Variants in VTCN1 observed in about 807,000 individuals in gnomAD.
VTCN1 encodes the protein V-set domain containing T cell activation inhibitor 1.
A neutral mutation model predicts 26.5 loss-of-function variants in VTCN1; 26 were observed. The ratio of observed to expected loss-of-function variants is 0.98; its 90% CI spans 0.72 to 1.36. The LOEUF (loss-of-function observed/expected upper bound fraction) is 1.36, where lower values mean the gene tolerates loss of function less well. Ranked by LOEUF, VTCN1 falls within the 40% of genes most tolerant of loss-of-function variation. The probability of loss-of-function intolerance (pLI) is 0.00; values close to 1 mark genes in which losing one functional copy is unlikely to be tolerated. For missense variants in VTCN1, 298 were observed against 337.7 expected, an observed-to-expected ratio of 0.88 and a Z score of 0.92; for synonymous variants, 116 against 130.7, an observed-to-expected ratio of 0.89 and a Z score of 0.77.
chr1:117,181,146 G>T (rs2153907), intron 1 of VTCN1, among the ~76,000 whole-genome samples: 100,500 of 151,918 alleles, frequency 0.66, 34,166 homozygotes, highest in East Asian at 0.99. Context: ...GCTAGGAGTG[G>T]TGGTTCATGC....
intron 1 of VTCN1, among the ~76,000 whole-genome samples, chr1:117,192,163 T>C (rs1449912879): frequency 6.6e-6 from 1 of 152,092 alleles, no homozygotes; most frequent in African/African-American, 2.4e-5. Context: ...AACAGGCTTG[T>C]CACATATAAG....
chr1:117,167,059 C>T lies in VTCN1; in HGVS notation c.97+3048G>A, dbSNP rs1488624185. On this transcript the variant is annotated intron_variant, in intron 2 of 5. Transcript: ENST00000369458. This position sits in a 1 kb window ranked among gnomAD's most constrained non-coding sequence, Gnocchi z 4.1. ...AGTGAGCCGAGATTATGCCACTGTA[C>T]TCCAGCCTGAGCGACAGAGCAAGAC... Among the ~76,000 whole-genome samples, 1 of 148,828 alleles carries T rather than the reference C, an allele frequency of 6.7e-6. No individual in the cohort carries two copies. The highest frequency in any genetic ancestry group is 2.5e-5 in the African/African-American group (1 of 39,570).
rs746034549 is a variant in VTCN1, at chr1:117,161,273, C to T, written c.98-4352G>A. Among the ~76,000 whole-genome samples the T allele has an allele frequency of 7.9e-5, 12 of 152,198 alleles. No homozygotes were observed. Among genetic ancestry groups the T allele is most frequent in the East Asian group, 1.9e-4 (1 of 5,196 alleles). ...GCATGGGTTACACAATTACACTATG[C>T]GCCTTCACACTGCTGTTCATCTTGT... On this transcript the variant is annotated intron_variant, in intron 2 of 5. Coordinates refer to ENST00000369458, the MANE Select transcript of VTCN1 (RefSeq NM_024626.4). The surrounding 1 kb of genome is among the most constrained non-coding windows in gnomAD (Gnocchi z 4.3).
At chr1:117,209,317 C>A (rs1338091531) in intron 1 of VTCN1, among the ~76,000 whole-genome samples, 2 of 152,146 alleles carry the variant, frequency 1.3e-5, no homozygotes, top group African/African-American at 4.8e-5. Flanking sequence ...GACCTCTGAA[C>A]AATGGAGCCA....
chr1:117,154,442 C>T (rs1277065004), intron 3 of VTCN1, among the ~76,000 whole-genome samples: 1 of 152,202 alleles, frequency 6.6e-6, no homozygotes, highest in African/African-American at 2.4e-5. Flanking sequence ...AGGCCTCACC[C>T]AGTTTCCTCT....
intron 1 of VTCN1, among the ~76,000 whole-genome samples, chr1:117,194,600 C>T (rs1648416265): frequency 1.3e-5 from 2 of 152,136 alleles, no homozygotes; most frequent in African/African-American, 4.8e-5. Flanking sequence ...TTCACAAGAG[C>T]CATCATATGG....
At chr1:117,205,866 G>A (rs890376116) in intron 1 of VTCN1, among the ~76,000 whole-genome samples, 6 of 152,208 alleles carry the variant, frequency 3.9e-5, no homozygotes, top group Admixed American at 6.5e-5. Context: ...GCATTACCAC[G>A]TGCTTGGTCA....
rs746463012 is a variant in VTCN1, at chr1:117,156,626, A to G, written c.393T>C (p.Tyr131=). Residue 131 remains tyrosine, a synonymous_variant, in exon 3 of 6, where the codon TAT becomes TAC. Transcript: ENST00000369458. ...QLTDAGTYKC[Y]IITSKGKGNA... is the part of the protein sequence containing the mutation. Reference sequence around the variant, plus strand: ...TCCCCTTGCCTTTAGAAGTGATGATATAACATTTGTAGGTGCCAGCATCTG... The same window carrying G: ...TCCCCTTGCCTTTAGAAGTGATGATGTAACATTTGTAGGTGCCAGCATCTG... The G allele has an allele frequency of 4.4e-5, 71 of 1,613,374 alleles. No homozygotes were observed. Among genetic ancestry groups the G allele is most frequent in the Non-Finnish European group, 5.9e-5 (70 of 1,179,758 alleles).
chr1:117,203,126 A>C (rs1648870353), intron 1 of VTCN1, among the ~76,000 whole-genome samples: 1 of 152,070 alleles, frequency 6.6e-6, no homozygotes, highest in Admixed American at 6.6e-5. Flanking sequence ...GAGGCAAAGA[A>C]AAAGGGCACC....
At chr1:117,206,823 A>C (rs1649095969) in intron 1 of VTCN1, among the ~76,000 whole-genome samples, 1 of 152,210 alleles carries the variant, frequency 6.6e-6, no homozygotes, top group Admixed American at 6.5e-5. Context: ...TAACACTCAG[A>C]AAATCATCTA....
rs186521794 is a variant in VTCN1, at chr1:117,184,897, G to C, written c.33-14726C>G. On this transcript the variant is annotated intron_variant, in intron 1 of 5. Transcript: ENST00000369458. ...AGACACTTAGAGGCAGATTCTGTTA[G>C]GGACTGAGAATCCTCCTAGGCCTGG... 3.3e-5 allele frequency among the ~76,000 whole-genome samples: 5 copies of C among 152,274 alleles called. No individual in the cohort carries two copies. In the East Asian group the frequency reaches 9.7e-4, roughly 29 times the overall value.
chr1:117,168,539 A>G (rs553555417), intron 2 of VTCN1, among the ~76,000 whole-genome samples: 48 of 152,354 alleles, frequency 3.2e-4, no homozygotes, highest in African/African-American at 1.2e-3. Flanking sequence ...AGCTCCAAGT[A>G]TAAAGAAAAG....
intron 1 of VTCN1, among the ~76,000 whole-genome samples, chr1:117,191,243 A>G (rs1648229625): frequency 3.9e-5 from 6 of 152,224 alleles, no homozygotes; most frequent in Admixed American, 2.0e-4. Context: ...AAGAAAAACA[A>G]TGAAAAATAG....
At chr1:117,152,113 C>T (rs925548501) in intron 4 of VTCN1, among the ~76,000 whole-genome samples, 1 of 151,962 alleles carries the variant, frequency 6.6e-6, no homozygotes, top group African/African-American at 2.4e-5. Flanking sequence ...GATTGAAACC[C>T]CTTAAAATGA....
rs1651483836 is a variant in VTCN1, at chr1:117,145,971, T to C, written c.*46-746A>G. ...TTTAAAAAATCTACTTGATTTATGG[T>C]TATTCCTCTATGGTGCCAGGGAGAA... is the stretch of plus-strand genomic sequence containing the variant. On this transcript the variant is annotated intron_variant, in intron 5 of 5. Transcript: ENST00000369458. This position sits in a 1 kb window ranked among gnomAD's most constrained non-coding sequence, Gnocchi z 4.6. Among the ~76,000 whole-genome samples, 1 of 152,186 alleles carries C rather than the reference T, an allele frequency of 6.6e-6. No homozygotes were observed. Among genetic ancestry groups the C allele is most frequent in the South Asian group, 2.1e-4 (1 of 4,830 alleles).
At chr1:117,179,809 G>A (rs577227693) in intron 1 of VTCN1, among the ~76,000 whole-genome samples, 2 of 152,034 alleles carry the variant, frequency 1.3e-5, no homozygotes, top group Non-Finnish European at 2.9e-5. Context: ...CTGCCTCATC[G>A]ATCTAATCTA....
At chr1:117,158,938 G>C (rs1458189803) in intron 2 of VTCN1, among the ~76,000 whole-genome samples, 1 of 152,174 alleles carries the variant, frequency 6.6e-6, no homozygotes, top group Admixed American at 6.5e-5. Context: ...AACATAACAA[G>C]AGTCACCTTT....
chr1:117,175,755 ATC>A lies in VTCN1; in HGVS notation c.33-5586_33-5585del, dbSNP rs201137610. 0.044 allele frequency among the ~76,000 whole-genome samples: 6,139 copies of A among 140,156 alleles called. 346 individuals carry two copies. Among genetic ancestry groups the A allele is most frequent in the South Asian group, 0.087 (378 of 4,326 alleles). 91.9% of individuals were successfully genotyped at this position (140,156 alleles called of 152,430 possible). The stretch of plus-strand genomic sequence containing the variant: ...AAAATAAACCAGAAGAGAGATACCT[ATC>A]TCTCTCTCTCTCTCTCTTTTTTTTT... On this transcript the variant is annotated intron_variant, in intron 1 of 5. Transcript: ENST00000369458. The surrounding 1 kb of genome is among the most constrained non-coding windows in gnomAD (Gnocchi z 4.2).
intron 4 of VTCN1, among the ~76,000 whole-genome samples, chr1:117,148,274 CTTTTA>C: frequency 6.6e-6 from 1 of 152,308 alleles, no homozygotes; most frequent in East Asian, 1.9e-4. Flanking sequence ...AATCCTATCT[CTTTTA>C]TTTCATTTCA....
Sources: gnomAD v4.1 joint callset for allele counts (sites outside exome capture counted in the v4.1 genomes callset) on GRCh38, gnomAD v4.1.1 for gene constraint, Gnocchi (gnomAD v3.1) non-coding constraint, MANE v1.5 for transcripts, NCBI Gene and HGNC (gene_info 2026-07-23, HGNC 2026-07-21) for gene names.